DNAH6: variants seen among roughly 807,000 people sequenced by gnomAD.
DNAH6 encodes the protein dynein axonemal heavy chain 6.
Under a neutral mutation model 491.4 loss-of-function variants are expected in DNAH6, and 340 were observed. The observed-to-expected ratio is 0.69, with a 90% confidence interval of 0.63 to 0.76. The LOEUF (loss-of-function observed/expected upper bound fraction) is 0.76, where lower values mean the gene tolerates loss of function less well. DNAH6 is among the 30% of genes least tolerant of loss of function. The probability of loss-of-function intolerance (pLI) is 0.00; values close to 1 mark genes in which losing one functional copy is unlikely to be tolerated. For synonymous variants in DNAH6, 1,603 were observed against 1,686.1 expected (o/e 0.95, Z 1.21); for missense variants, 4,443 against 4,972.2 (o/e 0.89, Z 3.20).
At chr2:84,508,188 G>C in the DNAH6 span, among the ~76,000 whole-genome samples, 1 of 152,074 alleles carries the variant, frequency 6.6e-6, no homozygotes, top group African/African-American at 2.4e-5. Flanking sequence ...CTGTGAATCC[G>C]TCTGGTCCTG....
At position 84,624,947 on chromosome 2, in the gene DNAH6, G is replaced by A. The variant is rs1327817208; in HGVS notation, c.4399G>A (p.Gly1467Arg). ...CATGGGAGCTTTGCAGCTTGACCTTGGGGGTGCACCAGCTGGTCCTGCTGG... is the reference window on the plus strand; with the variant it reads ...CATGGGAGCTTTGCAGCTTGACCTTAGGGGTGCACCAGCTGGTCCTGCTGG... The part of the protein sequence containing the change: ...CLMGALQLDL[G>R]GAPAGPAGTG... Residue 1467 changes from glycine (G) to arginine (R), a missense_variant, in exon 29 of 77, where the codon GGG becomes AGG. Coordinates refer to ENST00000389394, the MANE Select transcript of DNAH6 (RefSeq NM_001370.2). 25 of 1,551,516 alleles carry A rather than the reference G, an allele frequency of 1.6e-5. No individual in the cohort carries two copies. Among genetic ancestry groups the A allele is most frequent in the Admixed American group, 5.9e-5 (3 of 50,940 alleles).
chr2:84,688,634 A>C, intron 45 of DNAH6, 41 bp downstream of exon 45: 1 of 1,461,616 alleles, frequency 6.8e-7, no homozygotes, highest in Non-Finnish European at 9.1e-7. Flanking sequence ...TTGATTTAAT[A>C]TTTTTTGTAT....
chr2:84,602,482 C>CTTTTTTTTTTTTTTTTTTTTTTTTTTTTT (rs3029846), intron 18 of DNAH6, among the ~76,000 whole-genome samples: 1 of 32,000 alleles, frequency 3.1e-5, no homozygotes, highest in African/African-American at 1.4e-4. Context: ...TGTTGTGTCC[C>CTTTTTTTTTTTTTTTTTTTTTTTTTTTTT]TTTTTTTTTT....
At chr2:84,625,119 T>C (rs1687740889) in intron 29 of DNAH6, 56 bp downstream of exon 29, 1 of 1,397,890 alleles carries the variant, frequency 7.2e-7, no homozygotes, top group Admixed American at 2.9e-5. Flanking sequence ...CTTTCTCTAT[T>C]TGCAACATGA....
At chr2:84,559,419 A>G (rs1680420624) in intron 11 of DNAH6, among the ~76,000 whole-genome samples, 1 of 152,166 alleles carries the variant, frequency 6.6e-6, no homozygotes, top group South Asian at 2.1e-4. Context: ...TAAGTGCTGC[A>G]AAACAAAAAA....
In DNAH6 at chr2:84,707,548, T is replaced by A. The variant is rs1038762191; in HGVS notation, c.8880T>A (p.Arg2960=). The change falls in exon 54 of 77, where the codon CGT becomes CGA. Residue 2960 remains arginine (R), a synonymous_variant. Coordinates refer to ENST00000389394, the MANE Select transcript of DNAH6 (RefSeq NM_001370.2). The stretch of plus-strand genomic sequence containing the variant: ...AGACCATGGCCCTGACAAAAGCACG[T>A]CTAGTACGTGCTGGAAAGCTGACAG... The part of the protein sequence containing the change: ...LAKTMALTKA[R]LVRAGKLTAA... The A allele has an allele frequency of 6.4e-7, 1 of 1,551,716 alleles. No individual in the cohort carries two copies. Among genetic ancestry groups the A allele is most frequent in the Non-Finnish European group, 8.7e-7 (1 of 1,147,004 alleles).
At chr2:84,719,012 C>G (rs141374131) in intron 59 of DNAH6, among the ~76,000 whole-genome samples, 79 of 152,310 alleles carry the variant, frequency 5.2e-4, no homozygotes, top group Non-Finnish European at 9.0e-4. Flanking sequence ...TTCAAACTAT[C>G]ATTTAAGGAG....
Position 84,686,573 on chromosome 2 carries a change from T to C in DNAH6, c.7137+16T>C, listed in dbSNP as rs1033348322. 3 of 1,337,510 alleles carry C rather than the reference T, an allele frequency of 2.2e-6. No homozygotes were observed. Among genetic ancestry groups the C allele is most frequent in the Admixed American group, 2.4e-5 (1 of 42,266 alleles). The allele number at this position is 1,337,510 out of a possible 1,614,324, so 82.9% of individuals were successfully genotyped here. A position where few individuals can be genotyped will look rare whatever the true frequency, so the allele number is the denominator to read the frequency against. On this transcript the variant is annotated intron_variant, in intron 44 of 76. Transcript: ENST00000389394. ...TTTCATTAAGGCAAGTATGTTAGAT[T>C]GACTTGACCTCATTTGAAAATTGTA...
intron 30 of DNAH6, among the ~76,000 whole-genome samples, chr2:84,636,172 A>G (rs1423343615): frequency 6.6e-6 from 1 of 152,046 alleles, no homozygotes; most frequent in Non-Finnish European, 1.5e-5. Flanking sequence ...CCCCCCAAAC[A>G]TGGGACAAAA....
chr2:84,581,683 C>G (rs141513995), intron 14 of DNAH6, among the ~76,000 whole-genome samples: 1 of 152,280 alleles, frequency 6.6e-6, no homozygotes, highest in East Asian at 1.9e-4. Flanking sequence ...ATTTAAAAAA[C>G]AGATTTAGCT....
intron 68 of DNAH6, among the ~76,000 whole-genome samples, chr2:84,793,446 G>C (rs549200544): frequency 6.1e-4 from 93 of 152,246 alleles, no homozygotes; most frequent in African/African-American, 2.1e-3. Flanking sequence ...TCAAAATGCA[G>C]ATATTTTAGT....
chr2:84,645,728 C>T (rs920763391), intron 33 of DNAH6, among the ~76,000 whole-genome samples: 1 of 152,190 alleles, frequency 6.6e-6, no homozygotes, highest in African/African-American at 2.4e-5. Context: ...TACTCCAAGA[C>T]TTGGTTGAGC....
At chr2:84,583,467 A>G (rs6705459) in intron 14 of DNAH6, among the ~76,000 whole-genome samples, 143,381 of 152,340 alleles carry the variant, frequency 0.94, 67,520 homozygotes, top group East Asian at 1. Context: ...TATTATAGCA[A>G]TGACTATCAT....
intron 15 of DNAH6, among the ~76,000 whole-genome samples, chr2:84,587,574 A>G (rs116748781): frequency 3.2e-3 from 488 of 152,366 alleles, no homozygotes; most frequent in Non-Finnish European, 4.5e-3. Flanking sequence ...CTATCTTGCT[A>G]TCAAGACCCT....
At chr2:84,476,603 C>G in the DNAH6 span, among the ~76,000 whole-genome samples, 1 of 152,144 alleles carries the variant, frequency 6.6e-6, no homozygotes, top group Non-Finnish European at 1.5e-5. Flanking sequence ...TCTGCCTCAT[C>G]ATCTGTTTGA....
At position 84,814,054 on chromosome 2, in the gene DNAH6, G is replaced by T. The variant is rs1680258770; in HGVS notation, c.12082G>T (p.Asp4028Tyr). ...ATACAGCGTAATTCCCACCTATCGG[G>T]ATCAAGCTGCAGTGATAGAAGCTGC... ...FKYSVIPTYR[D>Y]QAAVIEAAKT... The change falls in exon 75 of 77, where the codon GAT becomes TAT. Residue 4028 changes from aspartate to tyrosine, a missense_variant. Physicochemically the swap from Asp to Tyr is radical, Grantham distance 160. Around this residue, in one of 3 missense-constraint regions of DNAH6, gnomAD observed 1,463 missense variants for 1,656.6 expected, o/e 0.88. Coordinates refer to ENST00000389394, the MANE Select transcript of DNAH6 (RefSeq NM_001370.2). 1.9e-6 allele frequency: 3 copies of T among 1,551,596 alleles called. No individual in the cohort carries two copies. The highest frequency in any genetic ancestry group is 2.6e-6 in the Non-Finnish European group (3 of 1,146,988).
chr2:84,766,391 T>A (rs1675076553), intron 64 of DNAH6, among the ~76,000 whole-genome samples: 1 of 152,156 alleles, frequency 6.6e-6, no homozygotes, highest in East Asian at 1.9e-4. Flanking sequence ...TTTTTAAACA[T>A]TTTGGGAAAC....
intron 60 of DNAH6, among the ~76,000 whole-genome samples, chr2:84,723,683 AG>A (rs1469086778): frequency 5.3e-5 from 8 of 152,176 alleles, no homozygotes. Flanking sequence ...CTTCTGACTT[AG>A]AGGGATCTCT....
chr2:84,704,227 A>G lies in DNAH6; in HGVS notation c.8390A>G (p.Glu2797Gly), dbSNP rs1345303506. Residue 2797 changes from glutamate (E) to glycine (G), a missense_variant, in exon 51 of 77, where the codon GAA becomes GGA. By Grantham distance (98) the Glu-to-Gly change is moderately conservative. Coordinates refer to ENST00000389394, the MANE Select transcript of DNAH6 (RefSeq NM_001370.2). ...LDSLDKADIS[E>G]IRVFTKPPDL... ...TCCTTAGATAAGGCAGATATATCTG[A>G]AATCAGAGTTTTTACAAAGCCCCCA... The G allele has an allele frequency of 6.4e-7, 1 of 1,551,860 alleles. No homozygotes were observed.
Sources: allele counts gnomAD v4.1 joint callset (sites outside exome capture counted in the v4.1 genomes callset), GRCh38; gene constraint gnomAD v4.1.1; regional missense constraint gnomAD v4.1.1; transcripts MANE v1.5; gene names NCBI Gene and HGNC (gene_info 2026-07-23, HGNC 2026-07-21).